The following MECOM variants were observed in gnomAD, a reference collection of about 807,000 sequenced individuals.
The protein encoded by MECOM is histone-lysine N-methyltransferase MECOM.
In MECOM, 13 loss-of-function variants were observed where a neutral mutation model predicts 116.3. The observed-to-expected ratio is 0.11, with a 90% confidence interval of 0.07 to 0.18. MECOM has a LOEUF of 0.18. MECOM is among the 10% of genes least tolerant of loss of function. The pLI, the probability that MECOM is intolerant of heterozygous loss-of-function variation, is 1.00. For synonymous variants in MECOM, 528 were observed against 535.2 expected (o/e 0.99, Z 0.19); for missense variants, 1,299 against 1,509.0 (o/e 0.86, Z 2.31).
intron 1 of MECOM, among the ~76,000 whole-genome samples, chr3:169,569,773 T>A (rs1208617704): frequency 1.3e-5 from 2 of 152,116 alleles, no homozygotes; most frequent in Non-Finnish European, 2.9e-5. Flanking sequence ...ATAAGTTCTT[T>A]GAAACTTATT....
intron 1 of MECOM, among the ~76,000 whole-genome samples, chr3:169,485,857 C>A (rs1752077955): frequency 1.8e-5 from 2 of 113,606 alleles, no homozygotes; most frequent in Non-Finnish European, 1.7e-5. Flanking sequence ...GTGTATATAC[C>A]ATATGTATAG....
intron 5 of MECOM, among the ~76,000 whole-genome samples, chr3:169,127,085 A>G (rs936089374): frequency 4.6e-5 from 7 of 152,128 alleles, no homozygotes. Context: ...ACAAACAAAA[A>G]AACCCATTAA....
intron 1 of MECOM, among the ~76,000 whole-genome samples, chr3:169,642,205 G>A (rs1265889697): frequency 6.6e-6 from 1 of 152,096 alleles, no homozygotes. Flanking sequence ...CACTTGCAGG[G>A]AATTAAAAAG....
At chr3:169,553,925 C>A (rs1761706772) in intron 1 of MECOM, among the ~76,000 whole-genome samples, 1 of 149,064 alleles carries the variant, frequency 6.7e-6, no homozygotes, top group African/African-American at 2.4e-5. Flanking sequence ...CAAATACAGT[C>A]ATATTCTGAG....
At chr3:169,424,314 C>T (rs765802558) in intron 1 of MECOM, among the ~76,000 whole-genome samples, 1 of 152,110 alleles carries the variant, frequency 6.6e-6, no homozygotes, top group Non-Finnish European at 1.5e-5. Context: ...AAAATAGCAT[C>T]CTTTCGGTGG....
At chr3:169,621,814 C>A (rs1317551984) in intron 1 of MECOM, among the ~76,000 whole-genome samples, 1 of 152,106 alleles carries the variant, frequency 6.6e-6, no homozygotes, top group Non-Finnish European at 1.5e-5. Context: ...TTGTAACCTC[C>A]TCAAACTGTC....
At chr3:169,405,209 T>C (rs897537158) in intron 1 of MECOM, among the ~76,000 whole-genome samples, 1 of 152,026 alleles carries the variant, frequency 6.6e-6, no homozygotes, top group African/African-American at 2.4e-5. Flanking sequence ...TCTCTCTGTC[T>C]CTCCTCACCA....
chr3:169,269,347 T>C (rs1187379514), intron 2 of MECOM: 1 of 150,408 alleles, frequency 6.6e-6, no homozygotes, highest in African/African-American at 2.5e-5. Flanking sequence ...CCTGTATCTG[T>C]ATACAGCTTT....
At chr3:169,470,460 AT>A (rs1749034048) in intron 1 of MECOM, among the ~76,000 whole-genome samples, 1 of 152,234 alleles carries the variant, frequency 6.6e-6, no homozygotes, top group African/African-American at 2.4e-5. Flanking sequence ...ATACAAATTT[AT>A]TCCTTTAGGA....
intron 2 of MECOM, among the ~76,000 whole-genome samples, chr3:169,229,089 G>A (rs980630887): frequency 2.6e-5 from 4 of 152,176 alleles, no homozygotes; most frequent in African/African-American, 9.7e-5. Context: ...GGAAACACTG[G>A]TTCTGGCTTT....
At chr3:169,136,672 A>G (rs1470730250) in intron 3 of MECOM, among the ~76,000 whole-genome samples, 1 of 152,080 alleles carries the variant, frequency 6.6e-6, no homozygotes, top group South Asian at 2.1e-4. Context: ...GGTCTTGTTC[A>G]TTATACTAGA....
intron 2 of MECOM, among the ~76,000 whole-genome samples, chr3:169,231,222 A>G (rs941239055): frequency 4.6e-5 from 7 of 152,172 alleles, no homozygotes; most frequent in Non-Finnish European, 1.0e-4. Flanking sequence ...TGCATAAAGT[A>G]AACATGTTGT....
intron 1 of MECOM, among the ~76,000 whole-genome samples, chr3:169,413,911 C>T (rs1024440438): frequency 6.6e-6 from 1 of 152,188 alleles, no homozygotes; most frequent in Non-Finnish European, 1.5e-5. Flanking sequence ...GTAAAACTTC[C>T]ATCTTCCTGG....
At chr3:169,651,977 AATT>A (rs1181897992) in intron 1 of MECOM, among the ~76,000 whole-genome samples, 5 of 152,224 alleles carry the variant, frequency 3.3e-5, no homozygotes, top group Admixed American at 6.5e-5. Context: ...TTCATTTAAA[AATT>A]ATTGTGTATA....
chr3:169,365,144 CT>C (rs1201717391), intron 2 of MECOM, among the ~76,000 whole-genome samples: 1 of 151,944 alleles, frequency 6.6e-6, no homozygotes, highest in Non-Finnish European at 1.5e-5. Context: ...ACCGCTGACC[CT>C]TCTCAATCCT....
chr3:169,175,374 C>T (rs900761980), intron 2 of MECOM, among the ~76,000 whole-genome samples: 9 of 152,116 alleles, frequency 5.9e-5, no homozygotes, highest in African/African-American at 2.2e-4. Flanking sequence ...CCTTTGCTTT[C>T]TGACAATTCA....
At chr3:169,250,083 TG>T (rs1409678190) in intron 2 of MECOM, among the ~76,000 whole-genome samples, 3 of 152,104 alleles carry the variant, frequency 2.0e-5, no homozygotes, top group Admixed American at 6.5e-5. Flanking sequence ...GAAAGGGAAA[TG>T]GGGGCTGGCG....
intron 2 of MECOM, among the ~76,000 whole-genome samples, chr3:169,194,543 A>G (rs1271059400): frequency 6.6e-6 from 1 of 152,084 alleles, no homozygotes; most frequent in African/African-American, 2.4e-5. Flanking sequence ...AGCAACAACA[A>G]TAACAATCAT....
intron 1 of MECOM, among the ~76,000 whole-genome samples, chr3:169,388,079 G>A (rs1733660909): frequency 6.6e-6 from 1 of 151,972 alleles, no homozygotes; most frequent in Non-Finnish European, 1.5e-5. Flanking sequence ...GAGAGCGGAG[G>A]ATGTGTGCCC....
Sources: gnomAD v4.1 joint callset for allele counts (sites outside exome capture counted in the v4.1 genomes callset) on GRCh38, gnomAD v4.1.1 for gene constraint, MANE v1.5 for transcripts, NCBI Gene and HGNC (gene_info 2026-07-23, HGNC 2026-07-21) for gene names.